CNTN4: variants seen among roughly 807,000 people sequenced by gnomAD.
The protein encoded by CNTN4 is contactin 4.
In CNTN4, 77 loss-of-function variants were observed where a neutral mutation model predicts 122.5. That is an observed-to-expected ratio of 0.63 (90% CI 0.52 to 0.76). The LOEUF is 0.76. CNTN4 is among the 30% of genes least tolerant of loss of function. The pLI is 0.00. For synonymous variants in CNTN4, 512 were observed against 447.0 expected (o/e 1.15, Z -1.83); for missense variants, 1,256 against 1,259.1 (o/e 1.00, Z 0.04).
In CNTN4 at chr3:3,015,664, A is replaced by C. The variant is rs137974140; in HGVS notation, c.1487-10438A>C. Among the ~76,000 whole-genome samples, 677 of 152,296 alleles carry C rather than the reference A, an allele frequency of 4.4e-3. 3 individuals are homozygous for C. The highest frequency in any genetic ancestry group is 0.016 in the African/African-American group (648 of 41,560). On this transcript the variant is annotated intron_variant, in intron 14 of 24. Coordinates refer to ENST00000418658, the MANE Select transcript of CNTN4 (RefSeq NM_175607.3). ...AAAGAGGGACACTCTCCTTCTGCTG[A>C]GGTTTCAGCACCATCTACTGTCCAG... is the stretch of plus-strand genomic sequence containing the variant.
At chr3:2,382,406 C>T (rs776242842) in intron 3 of CNTN4, among the ~76,000 whole-genome samples, 54 of 152,178 alleles carry the variant, frequency 3.5e-4, no homozygotes, top group Non-Finnish European at 4.0e-4. Flanking sequence ...CCACCCGCCT[C>T]GGCCTCCCAA....
intron 3 of CNTN4, among the ~76,000 whole-genome samples, chr3:2,449,409 G>A (rs2048741276): frequency 1.3e-5 from 2 of 152,074 alleles, no homozygotes; most frequent in Admixed American, 1.3e-4. Context: ...GAAGTCAGGA[G>A]TTCGATACCA....
chr3:2,920,320 TA>T (rs146571652), intron 12 of CNTN4, among the ~76,000 whole-genome samples: 158 of 146,154 alleles, frequency 1.1e-3, no homozygotes, highest in East Asian at 2.4e-3. Flanking sequence ...GGAGGCTGGA[TA>T]TGACTGTGAA....
intron 13 of CNTN4, among the ~76,000 whole-genome samples, chr3:2,951,266 G>A (rs1379473553): frequency 6.6e-6 from 1 of 152,176 alleles, no homozygotes; most frequent in Admixed American, 6.5e-5. Context: ...GGTGGGGTGG[G>A]AGGTGGTTTT....
chr3:2,414,812 C>A (rs752871788), intron 3 of CNTN4, among the ~76,000 whole-genome samples: 2 of 151,958 alleles, frequency 1.3e-5, no homozygotes, highest in Non-Finnish European at 2.9e-5. Flanking sequence ...CAAAGATCTG[C>A]CAAACACAGC....
chr3:2,206,972 T>A (rs1055504471), intron 2 of CNTN4, among the ~76,000 whole-genome samples: 1 of 152,036 alleles, frequency 6.6e-6, no homozygotes, highest in Non-Finnish European at 1.5e-5. Flanking sequence ...ATGCTCACTT[T>A]GTGTCTCTTT....
At chr3:2,530,200 G>T (rs1475841756) in intron 3 of CNTN4, among the ~76,000 whole-genome samples, 3 of 151,706 alleles carry the variant, frequency 2.0e-5, no homozygotes, top group Non-Finnish European at 2.9e-5. Context: ...TTAGAATTCA[G>T]CCAAAATAAA....
At chr3:2,674,492 C>G (rs993748986) in intron 4 of CNTN4, among the ~76,000 whole-genome samples, 1 of 152,204 alleles carries the variant, frequency 6.6e-6, no homozygotes, top group African/African-American at 2.4e-5. Flanking sequence ...CATGCTGGCT[C>G]ATGCCTATAA....
intron 6 of CNTN4, among the ~76,000 whole-genome samples, chr3:2,766,357 T>G (rs1559480314): frequency 6.6e-6 from 1 of 152,170 alleles, no homozygotes; most frequent in African/African-American, 2.4e-5. Flanking sequence ...GACCATCAGT[T>G]AGTGAGTGGA....
intron 8 of CNTN4, among the ~76,000 whole-genome samples, chr3:2,879,546 C>T (rs186218630): frequency 7.2e-5 from 11 of 152,256 alleles, no homozygotes; most frequent in East Asian, 5.8e-4. Flanking sequence ...GTTACAACAT[C>T]GATCAATCTC....
chr3:2,119,443 C>T lies in CNTN4; in HGVS notation c.-145+18804C>T, dbSNP rs139064030. Among the ~76,000 whole-genome samples, 93 of 152,272 alleles carry T rather than the reference C, an allele frequency of 6.1e-4. No individual in the cohort carries two copies. In the East Asian group the frequency reaches 7.1e-3, roughly 12 times the overall value. ...ATAATTTTATTTGGATGTCCTTACC[C>T]GCAAAATCAACTGTTAGACTTTTGC... On this transcript the variant is annotated intron_variant, in intron 2 of 24. Transcript: ENST00000418658.
At chr3:2,978,286 G>T (rs1693617973) in intron 13 of CNTN4, among the ~76,000 whole-genome samples, 1 of 152,190 alleles carries the variant, frequency 6.6e-6, no homozygotes, top group Non-Finnish European at 1.5e-5. Context: ...ATAGATCGTG[G>T]CCTCATAACC....
chr3:2,355,459 A>G (rs1267340401), intron 3 of CNTN4, among the ~76,000 whole-genome samples: 4 of 152,210 alleles, frequency 2.6e-5, no homozygotes, highest in African/African-American at 9.6e-5. Context: ...CCTGAAGGAT[A>G]CAGGGAATCT....
In CNTN4 at chr3:2,108,169, T is replaced by C. The variant is rs552454784; in HGVS notation, c.-145+7530T>C. 7.5e-4 allele frequency among the ~76,000 whole-genome samples: 104 copies of C among 138,392 alleles called. 1 individual carries two copies. The highest frequency in any genetic ancestry group is 3.1e-3 in the Admixed American group (43 of 13,740). The allele number at this position is 138,392 out of a possible 152,430, so 90.8% of individuals were successfully genotyped here. A position where few individuals can be genotyped will look rare whatever the true frequency, so the allele number is the denominator to read the frequency against. On this transcript the variant is annotated intron_variant, in intron 2 of 24. Transcript: ENST00000418658. The stretch of plus-strand genomic sequence containing the variant: ...GGAACTTTTCATGTGCCTTTTCTTT[T>C]TTTTTTTTTTTTTTCATGACTGTTT...
At chr3:2,582,854 C>T (rs1383459126) in intron 4 of CNTN4, among the ~76,000 whole-genome samples, 1 of 151,700 alleles carries the variant, frequency 6.6e-6, no homozygotes, top group African/African-American at 2.4e-5. Flanking sequence ...AAACTTCCCC[C>T]TACCTGAGGG....
At chr3:2,921,527 G>A (rs1177661842) in intron 12 of CNTN4, among the ~76,000 whole-genome samples, 2 of 152,158 alleles carry the variant, frequency 1.3e-5, no homozygotes, top group Non-Finnish European at 2.9e-5. Context: ...CTCTAAGCTT[G>A]TTTTTAGGGA....
chr3:2,836,138 A>G (rs1196827057), intron 7 of CNTN4, among the ~76,000 whole-genome samples: 1 of 152,204 alleles, frequency 6.6e-6, no homozygotes, highest in Non-Finnish European at 1.5e-5. Context: ...TATTAAGAAT[A>G]TATAAATAAC....
intron 3 of CNTN4, among the ~76,000 whole-genome samples, chr3:2,353,764 TG>T (rs2044745554): frequency 6.6e-6 from 1 of 152,182 alleles, no homozygotes; most frequent in Non-Finnish European, 1.5e-5. Context: ...CCGGGTGTGG[TG>T]GCGGGCGCCT....
chr3:2,487,960 C>A (rs564815391), intron 3 of CNTN4, among the ~76,000 whole-genome samples: 2 of 152,108 alleles, frequency 1.3e-5, no homozygotes, highest in African/African-American at 4.8e-5. Context: ...AAATAAAGAG[C>A]CAACTTAGCA....
Sources: gnomAD v4.1 joint callset for allele counts (sites outside exome capture counted in the v4.1 genomes callset) on GRCh38, gnomAD v4.1.1 for gene constraint, MANE v1.5 for transcripts, NCBI Gene and HGNC (gene_info 2026-07-23, HGNC 2026-07-21) for gene names.